Variants in CALN1 observed in about 807,000 individuals in gnomAD.
CALN1 encodes calneuron 1.
Under a neutral mutation model 30.6 loss-of-function variants are expected in CALN1, and 17 were observed. That is an observed-to-expected ratio of 0.56 (90% CI 0.38 to 0.83). The LOEUF (loss-of-function observed/expected upper bound fraction) is 0.83, where lower values mean the gene tolerates loss of function less well. Among genes scored for constraint, CALN1 ranks in the 40% least tolerant of loss-of-function variants. The pLI, the probability that CALN1 is intolerant of heterozygous loss-of-function variation, is 0.00. For missense variants in CALN1, 291 were observed against 354.9 expected (o/e 0.82, Z 1.45); for synonymous variants, 156 against 131.4 (o/e 1.19, Z -1.28).
intron 5 of CALN1, among the ~76,000 whole-genome samples, chr7:71,913,054 G>C (rs1794505650): frequency 6.6e-6 from 1 of 152,216 alleles, no homozygotes; most frequent in African/African-American, 2.4e-5. Context: ...CAGGTGATGA[G>C]CTGCGAGTGT....
intron 5 of CALN1, among the ~76,000 whole-genome samples, chr7:71,977,110 C>T (rs1327272003): frequency 1.3e-5 from 2 of 152,114 alleles, no homozygotes; most frequent in Non-Finnish European, 2.9e-5. Flanking sequence ...TCTAAAAAAC[C>T]TGATGTCATA....
At chr7:72,323,181 T>C (rs537396494) in intron 2 of CALN1, among the ~76,000 whole-genome samples, 6 of 152,002 alleles carry the variant, frequency 3.9e-5, no homozygotes, top group Non-Finnish European at 8.8e-5. Flanking sequence ...GAGTGTGCTG[T>C]GAGCCTTTGC....
At chr7:71,907,341 T>C (rs773184637) in intron 5 of CALN1, among the ~76,000 whole-genome samples, 21 of 152,004 alleles carry the variant, frequency 1.4e-4, no homozygotes, top group Admixed American at 2.0e-4. Flanking sequence ...GTGAAGTCAA[T>C]ATTACAGATT....
chr7:71,841,489 T>A (rs921625995), intron 5 of CALN1, among the ~76,000 whole-genome samples: 25 of 149,068 alleles, frequency 1.7e-4, no homozygotes, highest in African/African-American at 4.7e-4. Flanking sequence ...AGCCCAGCAA[T>A]CTGATTTTTA....
chr7:72,367,880 TAAC>T (rs1209860176), intron 2 of CALN1, among the ~76,000 whole-genome samples: 1 of 151,948 alleles, frequency 6.6e-6, no homozygotes, highest in Non-Finnish European at 1.5e-5. Context: ...ACACCTGTAA[TAAC>T]AACACTTTGG....
At chr7:72,417,422 A>G (rs1156973348) in intron 1 of CALN1, among the ~76,000 whole-genome samples, 1 of 152,184 alleles carries the variant, frequency 6.6e-6, no homozygotes, top group African/African-American at 2.4e-5. Context: ...GAGGAAGTAA[A>G]TGAGAACCTA....
chr7:72,027,151 T>C (rs1041241542), intron 4 of CALN1, among the ~76,000 whole-genome samples: 12 of 152,098 alleles, frequency 7.9e-5, no homozygotes, highest in South Asian at 2.1e-4. Context: ...ACACAGTGTA[T>C]CTGTACAAAA....
At chr7:72,235,870 C>T (rs1367455965) in intron 3 of CALN1, among the ~76,000 whole-genome samples, 2 of 151,950 alleles carry the variant, frequency 1.3e-5, no homozygotes, top group Non-Finnish European at 2.9e-5. Context: ...GCACCCTCTG[C>T]AAAGAAAATA....
chr7:72,094,277 T>TC (rs1806069875), intron 4 of CALN1, among the ~76,000 whole-genome samples: 1 of 152,028 alleles, frequency 6.6e-6, no homozygotes, highest in East Asian at 1.9e-4. Flanking sequence ...ACCAGAATTT[T>TC]TTTTTTAACT....
chr7:72,298,553 T>C (rs1799026527), intron 2 of CALN1, among the ~76,000 whole-genome samples: 1 of 152,182 alleles, frequency 6.6e-6, no homozygotes, highest in Non-Finnish European at 1.5e-5. Flanking sequence ...TAGATCAGCA[T>C]GATCAAAAGC....
chr7:71,839,250 A>C (rs998089920), intron 5 of CALN1, among the ~76,000 whole-genome samples: 1 of 152,190 alleles, frequency 6.6e-6, no homozygotes, highest in Non-Finnish European at 1.5e-5. Flanking sequence ...TGAAAATGAC[A>C]CTTTTGGGCC....
intron 2 of CALN1, among the ~76,000 whole-genome samples, chr7:72,327,812 G>C (rs913733441): frequency 1.3e-5 from 2 of 152,060 alleles, no homozygotes; most frequent in African/African-American, 4.8e-5. Context: ...TACTAAAAAG[G>C]CAAGGTTCAG....
intron 2 of CALN1, among the ~76,000 whole-genome samples, chr7:72,394,226 T>TCC (rs1805770400): frequency 6.6e-6 from 1 of 152,166 alleles, no homozygotes; most frequent in South Asian, 2.1e-4. Context: ...TTCTGTCACC[T>TCC]CCTTCCCCTC....
intron 3 of CALN1, among the ~76,000 whole-genome samples, chr7:72,244,935 C>T (rs1795064819): frequency 6.6e-6 from 1 of 152,128 alleles, no homozygotes; most frequent in African/African-American, 2.4e-5. Context: ...CTCCCTCTGA[C>T]TTTTATTCCA....
intron 5 of CALN1, among the ~76,000 whole-genome samples, chr7:71,993,208 C>T (rs568655981): frequency 1.3e-5 from 2 of 152,176 alleles, no homozygotes; most frequent in Non-Finnish European, 2.9e-5. Flanking sequence ...GAAGACATAT[C>T]ACCAGCCTCT....
chr7:72,167,577 T>C (rs914898812), intron 3 of CALN1, among the ~76,000 whole-genome samples: 2 of 152,190 alleles, frequency 1.3e-5, no homozygotes, highest in Non-Finnish European at 2.9e-5. Context: ...GCTCCTGACC[T>C]CAAGTGATCC....
intron 2 of CALN1, among the ~76,000 whole-genome samples, chr7:72,377,476 T>TC (rs1804636613): frequency 6.6e-6 from 1 of 151,258 alleles, no homozygotes; most frequent in Non-Finnish European, 1.5e-5. Context: ...TGTGTGTGTT[T>TC]GCATGTATTA....
At chr7:71,990,215 A>G (rs1798875520) in intron 5 of CALN1, among the ~76,000 whole-genome samples, 1 of 152,156 alleles carries the variant, frequency 6.6e-6, no homozygotes, top group South Asian at 2.1e-4. Flanking sequence ...TCATATGCTA[A>G]TTATAATAGA....
chr7:71,896,742 C>A (rs567738750), intron 5 of CALN1, among the ~76,000 whole-genome samples: 1 of 152,264 alleles, frequency 6.6e-6, no homozygotes, highest in African/African-American at 2.4e-5. Context: ...GGGCACACGT[C>A]TTTGTTCTGA....
Sources: allele counts gnomAD v4.1 joint callset (sites outside exome capture counted in the v4.1 genomes callset), GRCh38; gene constraint gnomAD v4.1.1; transcripts MANE v1.5; gene names NCBI Gene and HGNC (gene_info 2026-07-23, HGNC 2026-07-21).